DNM3: variants seen among roughly 807,000 people sequenced by gnomAD.
The protein encoded by DNM3 is dynamin 3.
Under a neutral mutation model 101.6 loss-of-function variants are expected in DNM3, and 47 were observed. The observed-to-expected ratio is 0.46, with a 90% CI of 0.37 to 0.59. DNM3 has a LOEUF of 0.59. DNM3 is among the 20% of genes least tolerant of loss of function. The probability of loss-of-function intolerance (pLI) is 0.00; values close to 1 mark genes in which losing one functional copy is unlikely to be tolerated. For missense variants in DNM3, 849 were observed against 1,085.7 expected, an observed-to-expected ratio of 0.78 and a Z score of 3.06; for synonymous variants, 385 against 387.9, an observed-to-expected ratio of 0.99 and a Z score of 0.09.
chr1:172,399,512 G>A (rs549038368), intron 20 of DNM3, among the ~76,000 whole-genome samples: 27 of 152,234 alleles, frequency 1.8e-4, no homozygotes, highest in African/African-American at 5.8e-4. Flanking sequence ...AATGTGGGCC[G>A]TTCTGTCTCC....
chr1:172,409,527 C>T lies in DNM3; in HGVS notation c.*1686C>T. On this transcript the variant is annotated 3_prime_UTR_variant, in exon 21 of 21. Transcript: ENST00000627582. ...AAGGTCATTTCAACTTTTAAGGTTACCAGTGATTGTATAAAAACATCACAA... is the reference window on the plus strand; with the variant it reads ...AAGGTCATTTCAACTTTTAAGGTTATCAGTGATTGTATAAAAACATCACAA... 1.0e-6 allele frequency: 1 copy of T among 983,934 alleles called. No homozygotes were observed. Among genetic ancestry groups the T allele is most frequent in the Non-Finnish European group, 1.2e-6 (1 of 828,654 alleles). 61.0% of individuals were successfully genotyped at this position (983,934 alleles called of 1,614,324 possible). A position where few individuals can be genotyped will look rare whatever the true frequency, so the allele number is the denominator to read the frequency against.
chr1:172,399,945 G>C lies in DNM3; in HGVS notation c.2523-7827G>C, dbSNP rs1057347362. Reference sequence around the variant, plus strand: ...TTGTTAAAAAAAAAAAAAGGAAAAGGAAAGGTTATTTTTCTGTGAGTATTT... The same window carrying C: ...TTGTTAAAAAAAAAAAAAGGAAAAGCAAAGGTTATTTTTCTGTGAGTATTT... On this transcript the variant is annotated intron_variant, in intron 20 of 20. Transcript: ENST00000627582. The C allele has an allele frequency of 6.6e-5, 10 of 151,402 alleles. No individual in the cohort carries two copies. In the East Asian group the frequency reaches 1.7e-3, roughly 26 times the overall value. 9.4% of individuals were successfully genotyped at this position (151,402 alleles called of 1,614,324 possible). A position where few individuals can be genotyped will look rare whatever the true frequency, so the allele number is the denominator to read the frequency against.
intron 13 of DNM3, among the ~76,000 whole-genome samples, chr1:172,126,479 T>G (rs551052990): frequency 6.6e-6 from 1 of 152,334 alleles, no homozygotes; most frequent in South Asian, 2.1e-4. Context: ...TTAGTAAAAT[T>G]TTTAAATTTT....
At chr1:172,046,027 C>T in intron 9 of DNM3, among the ~76,000 whole-genome samples, 1 of 152,108 alleles carries the variant, frequency 6.6e-6, no homozygotes, top group Non-Finnish European at 1.5e-5. Flanking sequence ...ACTAGAAATA[C>T]CATTTGACCC....
intron 15 of DNM3, among the ~76,000 whole-genome samples, chr1:172,255,045 A>G (rs1324493024): frequency 1.3e-5 from 2 of 152,108 alleles, no homozygotes; most frequent in Non-Finnish European, 1.5e-5. Flanking sequence ...TTAAAATAGC[A>G]AAAGAAGACG....
At chr1:171,928,052 C>A (rs997862910) in intron 2 of DNM3, among the ~76,000 whole-genome samples, 2 of 152,136 alleles carry the variant, frequency 1.3e-5, no homozygotes, top group African/African-American at 4.8e-5. Flanking sequence ...AGGCTTTGTG[C>A]AGGGTTGTTC....
intron 17 of DNM3, among the ~76,000 whole-genome samples, chr1:172,372,183 G>C (rs2068372914): frequency 6.7e-6 from 1 of 148,876 alleles, no homozygotes; most frequent in Non-Finnish European, 1.5e-5. Context: ...TTTTGTTCTT[G>C]CGATAGTTTA....
At chr1:172,301,138 C>T (rs1412485034) in intron 15 of DNM3, among the ~76,000 whole-genome samples, 1 of 152,158 alleles carries the variant, frequency 6.6e-6, no homozygotes, top group African/African-American at 2.4e-5. Flanking sequence ...ATCTTGTATA[C>T]TGCTAGTGTG....
intron 17 of DNM3, among the ~76,000 whole-genome samples, chr1:172,354,676 A>C (rs2067362876): frequency 6.6e-6 from 1 of 152,166 alleles, no homozygotes. Context: ...TAAATTCCTG[A>C]CTGAGCACAC....
chr1:172,046,059 A>G (rs1348811867), intron 9 of DNM3, among the ~76,000 whole-genome samples: 1 of 152,230 alleles, frequency 6.6e-6, no homozygotes, highest in Non-Finnish European at 1.5e-5. Context: ...TACTGAGTAT[A>G]TACCCAAAGG....
chr1:172,198,017 C>T (rs1333716160), intron 14 of DNM3, among the ~76,000 whole-genome samples: 1 of 152,032 alleles, frequency 6.6e-6, no homozygotes, highest in Admixed American at 6.6e-5. Context: ...CAACTTTTTC[C>T]CATTCAGTAA....
At chr1:171,851,445 T>C (rs960533579) in intron 1 of DNM3, among the ~76,000 whole-genome samples, 4 of 152,244 alleles carry the variant, frequency 2.6e-5, no homozygotes, top group African/African-American at 9.6e-5. Context: ...AGTCTCGCTC[T>C]GTCGTCCCGG....
intron 15 of DNM3, among the ~76,000 whole-genome samples, chr1:172,276,347 A>C (rs765247864): frequency 1.3e-5 from 2 of 152,032 alleles, no homozygotes; most frequent in Non-Finnish European, 2.9e-5. Flanking sequence ...GTATATACTC[A>C]CTTGACTATT....
chr1:172,237,217 T>C (rs1023747052), intron 14 of DNM3, among the ~76,000 whole-genome samples: 1 of 152,200 alleles, frequency 6.6e-6, no homozygotes, highest in Non-Finnish European at 1.5e-5. Context: ...AATGCTTTTG[T>C]ATCTATTGCC....
intron 4 of DNM3, among the ~76,000 whole-genome samples, chr1:172,021,145 T>C (rs1419269618): frequency 6.6e-6 from 1 of 152,214 alleles, no homozygotes; most frequent in Non-Finnish European, 1.5e-5. Context: ...ACATGCCAGA[T>C]AGGAGTCCTG....
At chr1:172,106,173 C>T (rs2054998638) in intron 13 of DNM3, among the ~76,000 whole-genome samples, 1 of 152,096 alleles carries the variant, frequency 6.6e-6, no homozygotes, top group South Asian at 2.1e-4. Context: ...GTAATCCCAT[C>T]ACTTTGGGAG....
chr1:172,093,710 G>A (rs775894538), intron 13 of DNM3: 28 of 1,605,718 alleles, frequency 1.7e-5, no homozygotes, highest in Non-Finnish European at 2.1e-5. Flanking sequence ...CCAATCTTCC[G>A]CCTTCAAGGC....
intron 1 of DNM3, among the ~76,000 whole-genome samples, chr1:171,891,319 T>A (rs1324405556): frequency 1.3e-5 from 2 of 149,998 alleles, no homozygotes; most frequent in Non-Finnish European, 3.0e-5. Context: ...AGTTTTAGAT[T>A]AATAGAAAAA....
intron 2 of DNM3, among the ~76,000 whole-genome samples, chr1:171,944,639 G>T (rs1195207004): frequency 1.3e-5 from 2 of 151,934 alleles, no homozygotes; most frequent in African/African-American, 4.8e-5. Context: ...TTCCCAAAGT[G>T]CTGGGATTAC....
Sources: gnomAD v4.1 joint callset for allele counts (sites outside exome capture counted in the v4.1 genomes callset) on GRCh38, gnomAD v4.1.1 for gene constraint, MANE v1.5 for transcripts, NCBI Gene and HGNC (gene_info 2026-07-23, HGNC 2026-07-21) for gene names.